Variants in SYNE1 observed in about 807,000 individuals in gnomAD.
SYNE1 encodes nesprin-1.
In SYNE1, 616 loss-of-function variants were observed where a neutral mutation model predicts 1,111.0. The observed-to-expected ratio is 0.55, with a 90% CI of 0.52 to 0.59. SYNE1 has a LOEUF of 0.59. Ranked by LOEUF, SYNE1 falls within the 20% of genes least tolerant of loss-of-function variation. The probability of loss-of-function intolerance (pLI) is 0.00; values close to 1 mark genes in which losing one functional copy is unlikely to be tolerated. For synonymous variants in SYNE1, 3,855 were observed against 3,825.8 expected, an observed-to-expected ratio of 1.01 and a Z score of -0.28; for missense variants, 10,006 against 10,417.0, an observed-to-expected ratio of 0.96 and a Z score of 1.72.
At chr6:152,442,337 A>G in intron 30 of SYNE1, 92 bp from the exon 31 acceptor site, 1 of 1,485,074 alleles carries the variant, frequency 6.7e-7, no homozygotes, top group Non-Finnish European at 9.3e-7. Flanking sequence ...GAAGTACAGA[A>G]AGGTGGGCCC....
At chr6:152,555,724 A>G (rs1413208552) in intron 3 of SYNE1, among the ~76,000 whole-genome samples, 1 of 152,222 alleles carries the variant, frequency 6.6e-6, no homozygotes, top group Non-Finnish European at 1.5e-5. Flanking sequence ...ATAAATAACA[A>G]TATAACATGT....
intron 3 of SYNE1, among the ~76,000 whole-genome samples, chr6:152,555,296 T>C (rs770623154): frequency 1.9e-4 from 29 of 152,330 alleles, no homozygotes; most frequent in Non-Finnish European, 4.4e-5. Context: ...GGACCACATA[T>C]ACAACTGTGG....
intron 83 of SYNE1, 125 bp downstream of exon 83, chr6:152,321,596 T>C: frequency 7.5e-7 from 1 of 1,334,422 alleles, no homozygotes; most frequent in Non-Finnish European, 1.0e-6. Context: ...AAATATCTTT[T>C]ATATAACACA....
intron 30 of SYNE1, among the ~76,000 whole-genome samples, chr6:152,444,078 T>C (rs2098555432): frequency 6.6e-6 from 1 of 152,248 alleles, no homozygotes; most frequent in African/African-American, 2.4e-5. Context: ...GGTCCATCTA[T>C]GCCTTTCCAT....
At chr6:152,397,050 CAGG>C (rs2097743507) in intron 49 of SYNE1, 70 bp from the exon 50 acceptor site, 2 of 1,518,206 alleles carry the variant, frequency 1.3e-6, no homozygotes, top group East Asian at 2.3e-5. Context: ...AGTAGTAAAG[CAGG>C]AGAAGAAAAA....
At position 152,334,155 on chromosome 6, in the gene SYNE1, T is replaced by C. The variant is rs1363382711; in HGVS notation, c.12647A>G (p.Asp4216Gly). Residue 4216 changes from aspartate (D) to glycine (G), a missense_variant, in exon 77 of 146, where the codon GAT becomes GGT. Physicochemically the swap from Asp to Gly is moderately conservative, Grantham distance 94. Transcript: ENST00000367255. ...PEHKEINHLN[D>G]QWLDLCRQSN... ...CTGACGGCACAAATCGAGCCACTGATCATTTAAATGATTTATTTCCTTGTG... is the reference window on the plus strand; with the variant it reads ...CTGACGGCACAAATCGAGCCACTGACCATTTAAATGATTTATTTCCTTGTG... The C allele has an allele frequency of 1.9e-6, 3 of 1,614,184 alleles. No homozygotes were observed. Among genetic ancestry groups the C allele is most frequent in the Admixed American group, 3.3e-5 (2 of 60,016 alleles).
chr6:152,447,323 A>G, intron 29 of SYNE1, 135 bp downstream of exon 29: 2 of 1,001,258 alleles, frequency 2.0e-6, no homozygotes, highest in Admixed American at 2.4e-5. Flanking sequence ...CTTCATACAA[A>G]AAAAGCATAA....
At chr6:152,156,921 G>A (rs1020897215) in intron 131 of SYNE1, among the ~76,000 whole-genome samples, 2 of 151,898 alleles carry the variant, frequency 1.3e-5, no homozygotes, top group Admixed American at 6.6e-5. Flanking sequence ...TCTGCCTCCC[G>A]AGTTCAAGTG....
chr6:152,167,518 T>A lies in SYNE1; in HGVS notation c.23628-3193A>T, dbSNP rs879744318. 7.2e-5 allele frequency among the ~76,000 whole-genome samples: 11 copies of A among 152,330 alleles called. No individual in the cohort carries two copies. In the East Asian group the frequency reaches 2.1e-3, roughly 29 times the overall value. On this transcript the variant is annotated intron_variant, in intron 130 of 145. Transcript: ENST00000367255. ...CTGAAAAAAATCATGAACTAAACAT[T>A]TGCATAATGCACTAAATTACTATTT...
chr6:152,168,249 A>G (rs1167494695), intron 130 of SYNE1: 2 of 698,550 alleles, frequency 2.9e-6, no homozygotes, highest in Middle Eastern at 2.4e-4. Context: ...GCAAAAAGCT[A>G]TATCCTGCGT....
rs1377270650 is a variant in SYNE1, at chr6:152,244,629, T to G, written c.19600A>C (p.Lys6534Gln). 1.2e-6 allele frequency: 2 copies of G among 1,613,886 alleles called. No individual in the cohort carries two copies. The highest frequency in any genetic ancestry group is 1.7e-6 in the Non-Finnish European group (2 of 1,179,916). ...EAIQQAEDGL[K>Q]EFDAGIIELK... ...TCAATGATTCCTGCATCAAATTCTT[T>G]GAGTCCATCTTCAGCCTGTTGTATT... Residue 6534 changes from lysine (K) to glutamine (Q), a missense_variant, in exon 106 of 146, where the codon AAA becomes CAA. Physicochemically the swap from Lys to Gln is moderately conservative, Grantham distance 53. Coordinates refer to ENST00000367255, the MANE Select transcript of SYNE1 (RefSeq NM_182961.4).
At chr6:152,358,641 G>T in intron 65 of SYNE1, 104 bp from the exon 66 acceptor site, 1 of 1,132,214 alleles carries the variant, frequency 8.8e-7, no homozygotes, top group Non-Finnish European at 1.3e-6. Context: ...TAATTATTGA[G>T]ACATTAGAAT....
At chr6:152,244,436 C>T (rs903068685) in intron 106 of SYNE1, 101 bp downstream of exon 106, 19 of 1,578,324 alleles carry the variant, frequency 1.2e-5, no homozygotes, top group Admixed American at 3.4e-5. Flanking sequence ...ACCTAAGTGG[C>T]GTGAATTTTA....
chr6:152,310,062 T>C, intron 89 of SYNE1, 45 bp from the exon 90 acceptor site: 1 of 1,573,152 alleles, frequency 6.4e-7, no homozygotes, highest in Non-Finnish European at 8.6e-7. Flanking sequence ...ATTTAAATCA[T>C]TTATTTCATA....
Position 152,244,525 on chromosome 6 carries a change from T to A in SYNE1, c.19692+12A>T, listed in dbSNP as rs778168069. 8 of 1,613,900 alleles carry A rather than the reference T, an allele frequency of 5.0e-6. No individual in the cohort carries two copies. In the East Asian group the frequency reaches 1.8e-4, roughly 36 times the overall value. ...ACCCCTGCAGCTGAATACTACTGGCTGAAGGCTGCACCTGGAGCTTGGAGA... is the reference window on the plus strand; with the variant it reads ...ACCCCTGCAGCTGAATACTACTGGCAGAAGGCTGCACCTGGAGCTTGGAGA... On this transcript the variant is annotated intron_variant, in intron 106 of 145. Coordinates refer to ENST00000367255, the MANE Select transcript of SYNE1 (RefSeq NM_182961.4).
At chr6:152,579,755 C>T (rs1322476727) in intron 3 of SYNE1, among the ~76,000 whole-genome samples, 3 of 152,178 alleles carry the variant, frequency 2.0e-5, no homozygotes, top group Admixed American at 2.0e-4. Flanking sequence ...CTCCCACTTA[C>T]AGGTAACAAC....
rs1250199867 is a variant in SYNE1 at position 152,284,111 on chromosome 6, G to T, written c.18074C>A (p.Ala6025Glu). ...DEINELQSSL[A>E]EELVSESCEA... ...ACAAGACTCGGATACCAGCTCCTCT[G>T]CGAGAGAGGACTGGAGCTCATTGAT... Residue 6025 changes from alanine (A) to glutamate (E), a missense_variant, in exon 96 of 146, where the codon GCA becomes GAA. Around this residue, in one of 7 missense-constraint regions of SYNE1, gnomAD observed 4,955 missense variants for 5,017.2 expected, o/e 0.99. Transcript: ENST00000367255. 6.2e-7 allele frequency: 1 copy of T among 1,614,138 alleles called. No individual in the cohort carries two copies. Among genetic ancestry groups the T allele is most frequent in the Non-Finnish European group, 8.5e-7 (1 of 1,179,998 alleles).
At chr6:152,297,699 T>G (rs183767560) in intron 93 of SYNE1, among the ~76,000 whole-genome samples, 1 of 152,222 alleles carries the variant, frequency 6.6e-6, no homozygotes, top group East Asian at 1.9e-4. Context: ...CATTAGATAC[T>G]CTATTATAAA....
intron 11 of SYNE1, among the ~76,000 whole-genome samples, chr6:152,494,626 C>A (rs1274119348): frequency 6.6e-6 from 1 of 152,066 alleles, no homozygotes; most frequent in Non-Finnish European, 1.5e-5. Flanking sequence ...AGGGACTACA[C>A]GTCAATATTT....
Sources: gnomAD v4.1 joint callset for allele counts (sites outside exome capture counted in the v4.1 genomes callset) on GRCh38, gnomAD v4.1.1 for gene constraint, gnomAD v4.1.1 regional missense constraint, MANE v1.5 for transcripts, NCBI Gene and HGNC (gene_info 2026-07-23, HGNC 2026-07-21) for gene names.